Variants in NME7 observed in about 807,000 individuals in gnomAD.
NME7 encodes the protein nucleoside diphosphate kinase 7.
In NME7, 41 loss-of-function variants were observed where a neutral mutation model predicts 49.1. The observed-to-expected ratio is 0.83, with a 90% confidence interval of 0.65 to 1.08. The LOEUF (loss-of-function observed/expected upper bound fraction) is 1.08. Ranked by LOEUF, NME7 falls within the 50% of genes least tolerant of loss-of-function variation. The probability of loss-of-function intolerance (pLI) is 0.00; values close to 1 mark genes in which losing one functional copy is unlikely to be tolerated. For synonymous variants in NME7, 139 were observed against 150.6 expected (o/e 0.92, Z 0.56); for missense variants, 423 against 463.4 (o/e 0.91, Z 0.80).
At chr1:169,184,012 A>G (rs1019419430) in intron 10 of NME7, among the ~76,000 whole-genome samples, 2 of 152,000 alleles carry the variant, frequency 1.3e-5, no homozygotes, top group African/African-American at 4.8e-5. Flanking sequence ...TTTTTTGAAA[A>G]GAAAAACTTT....
At chr1:169,308,019 CAA>C (rs11410749) in intron 4 of NME7, among the ~76,000 whole-genome samples, 17 of 110,026 alleles carry the variant, frequency 1.5e-4, no homozygotes, top group Non-Finnish European at 1.6e-4. Context: ...GACTCCATCT[CAA>C]AAAAAAAAAA....
chr1:169,246,378 G>A (rs1463961772), intron 7 of NME7, among the ~76,000 whole-genome samples: 1 of 152,080 alleles, frequency 6.6e-6, no homozygotes, highest in East Asian at 1.9e-4. Context: ...AACCAGTAAG[G>A]CACTTAGGTC....
intron 10 of NME7, among the ~76,000 whole-genome samples, chr1:169,180,728 ATAATT>A: frequency 6.6e-6 from 1 of 152,362 alleles, no homozygotes; most frequent in South Asian, 2.1e-4. Flanking sequence ...TTTTAACAAA[ATAATT>A]TATTTAACCC....
chr1:169,157,375 C>G (rs1024094083), intron 11 of NME7, among the ~76,000 whole-genome samples: 1 of 152,212 alleles, frequency 6.6e-6, no homozygotes, highest in African/African-American at 2.4e-5. Flanking sequence ...GTCCCCTGTA[C>G]ACCTCTGAGC....
At chr1:169,135,186 C>CAA (rs1031343807) in intron 11 of NME7, among the ~76,000 whole-genome samples, 1 of 151,158 alleles carries the variant, frequency 6.6e-6, no homozygotes, top group East Asian at 1.9e-4. Context: ...AAAACAAAAA[C>CAA]AAAAAAAACA....
chr1:169,241,951 CAAT>C (rs1489859285), intron 7 of NME7, among the ~76,000 whole-genome samples: 1 of 151,546 alleles, frequency 6.6e-6, no homozygotes, highest in Admixed American at 6.6e-5. Context: ...AATTTTAAAA[CAAT>C]AATTTATTTA....
At chr1:169,232,070 T>A (rs970754030) in intron 9 of NME7, among the ~76,000 whole-genome samples, 2 of 152,116 alleles carry the variant, frequency 1.3e-5, no homozygotes, top group African/African-American at 4.8e-5. Flanking sequence ...TATTATAAGC[T>A]CCACATTCTC....
chr1:169,224,333 C>T (rs183169140), intron 10 of NME7, among the ~76,000 whole-genome samples: 2 of 152,222 alleles, frequency 1.3e-5, no homozygotes, highest in East Asian at 3.9e-4. Flanking sequence ...CTATGCCAGG[C>T]CATTCCTTCT....
intron 10 of NME7, among the ~76,000 whole-genome samples, chr1:169,199,581 G>A (rs188871744): frequency 6.6e-6 from 1 of 151,500 alleles, no homozygotes; most frequent in African/African-American, 2.4e-5. Flanking sequence ...AGCCTCCCAA[G>A]TAGCTGAGTC....
intron 10 of NME7, among the ~76,000 whole-genome samples, chr1:169,181,364 TAC>T (rs58453647): frequency 0.068 from 6,221 of 91,422 alleles, 270 homozygotes; most frequent in African/African-American, 0.15. Context: ...CTCAAATTCC[TAC>T]ACACACACAC....
At chr1:169,161,656 T>C (rs981990360) in intron 11 of NME7, among the ~76,000 whole-genome samples, 1 of 152,212 alleles carries the variant, frequency 6.6e-6, no homozygotes, top group East Asian at 1.9e-4. Flanking sequence ...AGACTGGCTG[T>C]CTTCACTCAT....
intron 10 of NME7, among the ~76,000 whole-genome samples, chr1:169,211,217 T>C (rs1272902119): frequency 5.9e-5 from 9 of 152,204 alleles, no homozygotes; most frequent in Non-Finnish European, 1.3e-4. Context: ...ATAAACATTT[T>C]TGTAAAATAA....
rs1377933767 is a variant in NME7 at position 169,271,797 on chromosome 1, C to T, written c.754+15506G>A. ...AAAATAAAAATCTTTCATGCCTATA[C>T]TATATTACAGGTAATATTAAATATA... On this transcript the variant is annotated intron_variant, in intron 7 of 11. Coordinates refer to ENST00000367811, the MANE Select transcript of NME7 (RefSeq NM_013330.5). Among the ~76,000 whole-genome samples the T allele has an allele frequency of 1.1e-4, 14 of 130,620 alleles. 3 individuals are homozygous for T. Among genetic ancestry groups the T allele is most frequent in the Non-Finnish European group, 2.5e-4 (14 of 56,692 alleles). 85.7% of individuals were successfully genotyped at this position (130,620 alleles called of 152,430 possible).
chr1:169,321,471 AT>A (rs1651850605), intron 3 of NME7, among the ~76,000 whole-genome samples: 1 of 152,258 alleles, frequency 6.6e-6, no homozygotes, highest in Admixed American at 6.5e-5. Flanking sequence ...TGCTACACAT[AT>A]TTATGAGTTT....
intron 7 of NME7, among the ~76,000 whole-genome samples, chr1:169,276,534 T>C (rs1348578336): frequency 7.5e-6 from 1 of 133,106 alleles, no homozygotes; most frequent in African/African-American, 2.5e-5. Flanking sequence ...GGTGGTGATA[T>C]CCCCTTTATC....
chr1:169,238,509 A>ACACACACC (rs1377976865), intron 7 of NME7, among the ~76,000 whole-genome samples: 1 of 150,846 alleles, frequency 6.6e-6, no homozygotes, highest in Non-Finnish European at 1.5e-5. Flanking sequence ...ACACACACAC[A>ACACACACC]CACACACCAT....
At chr1:169,245,799 A>T (rs1452482078) in intron 7 of NME7, among the ~76,000 whole-genome samples, 2 of 152,242 alleles carry the variant, frequency 1.3e-5, no homozygotes, top group Non-Finnish European at 2.9e-5. Context: ...TTAATGTTCA[A>T]TGCTAACATA....
intron 6 of NME7, among the ~76,000 whole-genome samples, chr1:169,290,851 G>T (rs749121909): frequency 1.3e-5 from 2 of 152,046 alleles, no homozygotes; most frequent in Non-Finnish European, 2.9e-5. Context: ...CAAAAAGTGG[G>T]CAAAGTATAT....
chr1:169,367,604 G>C, intron 1 of NME7, 104 bp downstream of exon 1: 1 of 1,282,380 alleles, frequency 7.8e-7, no homozygotes, highest in Non-Finnish European at 1.1e-6. Context: ...ACGGGGAGAA[G>C]GTCGGGAGGA....
Sources: gnomAD v4.1 joint callset for allele counts (sites outside exome capture counted in the v4.1 genomes callset) on GRCh38, gnomAD v4.1.1 for gene constraint, MANE v1.5 for transcripts, NCBI Gene and HGNC (gene_info 2026-07-23, HGNC 2026-07-21) for gene names.